Variants in DDX19B observed in about 807,000 individuals in gnomAD.
The protein encoded by DDX19B is ATP-dependent RNA helicase DDX19B.
DDX19B carries 27 observed loss-of-function variants against 58.1 expected under a neutral mutation model. That is an observed-to-expected ratio of 0.46 (90% CI 0.34 to 0.64). The LOEUF is 0.64. DDX19B is among the 30% of genes least tolerant of loss of function. The probability of loss-of-function intolerance (pLI) is 0.01; values close to 1 mark genes in which losing one functional copy is unlikely to be tolerated. For missense variants in DDX19B, 399 were observed against 596.5 expected (o/e 0.67, Z 3.45); for synonymous variants, 187 against 214.4 (o/e 0.87, Z 1.12).
At position 70,299,288 on chromosome 16, in the gene DDX19B, G is replaced by C. The variant is rs751053631; in HGVS notation, c.-10G>C. ...CCACCAGCACGAGCGTCCCACCCGC[G>C]CCTGGGACCATGGCCACTGACTCAT... On this transcript the variant is annotated 5_prime_UTR_variant, in exon 1 of 12. Transcript: ENST00000288071. 6.3e-7 allele frequency: 1 copy of C among 1,582,726 alleles called. No individual in the cohort carries two copies. The highest frequency in any genetic ancestry group is 8.6e-7 in the Non-Finnish European group (1 of 1,167,482).
chr16:70,300,428 G>A (rs919435593), intron 1 of DDX19B, among the ~76,000 whole-genome samples: 12 of 152,010 alleles, frequency 7.9e-5, no homozygotes, highest in Admixed American at 3.3e-4. Flanking sequence ...GGCTGGTCTC[G>A]AACTCCAGCG....
At chr16:70,328,660 G>A (rs1345099060) in intron 7 of DDX19B, among the ~76,000 whole-genome samples, 1 of 151,762 alleles carries the variant, frequency 6.6e-6, no homozygotes, top group East Asian at 1.9e-4. Context: ...ACCGTGCCCG[G>A]CCCTTTTAGT....
At position 70,312,666 on chromosome 16, in the gene DDX19B, C is replaced by T. The variant is rs754720329; in HGVS notation, c.106+9C>T. 1.9e-6 allele frequency: 3 copies of T among 1,605,000 alleles called. No homozygotes were observed. The highest frequency in any genetic ancestry group is 1.7e-4 in the Middle Eastern group (1 of 6,044). ...CAAACCAGATACCAATGGTAAGTAA[C>T]TAATAGCTAGTTTGAAAACAAATGT... On this transcript the variant is annotated intron_variant, in intron 2 of 11. Transcript: ENST00000288071.
In DDX19B at chr16:70,299,334, C is replaced by A; in HGVS notation, c.37C>A (p.Gln13Lys). 2.5e-6 allele frequency: 4 copies of A among 1,608,812 alleles called. No individual in the cohort carries two copies. Among genetic ancestry groups the A allele is most frequent in the Non-Finnish European group, 3.4e-6 (4 of 1,177,988 alleles). ...TDSWALAVDEQEAAAESLSNL... is the reference protein window; with the variant it reads ...TDSWALAVDEKEAAAESLSNL... ...CTCATGGGCCCTGGCGGTGGACGAGCAGGAAGCTGCGGCTGAGTCGGTGAG... is the reference window on the plus strand; with the variant it reads ...CTCATGGGCCCTGGCGGTGGACGAGAAGGAAGCTGCGGCTGAGTCGGTGAG... The change falls in exon 1 of 12, where the codon CAG (glutamine) becomes AAG (lysine). Residue 13 changes from glutamine (Q) to lysine (K), a missense_variant. By Grantham distance (53) the Gln-to-Lys change is moderately conservative. Around this residue, in one of 4 missense-constraint regions of DDX19B, gnomAD observed 132 missense variants for 159.4 expected, o/e 0.83. Coordinates refer to ENST00000288071, the MANE Select transcript of DDX19B (RefSeq NM_007242.7).
chr16:70,293,597 A>ATTTTTTTTTTTTTTTTTTTTTTTTTT (rs71151182), upstream of DDX19B, among the ~76,000 whole-genome samples: 43 of 77,020 alleles, frequency 5.6e-4, 7 homozygotes, highest in African/African-American at 1.3e-3. Context: ...GGATGGCTGA[A>ATTTTTTTTTTTTTTTTTTTTTTTTTT]TTTTTTTTTT....
chr16:70,301,848 G>C (rs1047689965), intron 1 of DDX19B, among the ~76,000 whole-genome samples: 1 of 151,768 alleles, frequency 6.6e-6, no homozygotes, highest in Non-Finnish European at 1.5e-5. Flanking sequence ...TGGGACTACA[G>C]GTGCGCACCA....
At chr16:70,307,095 A>G (rs749623136) in intron 1 of DDX19B, among the ~76,000 whole-genome samples, 1 of 152,204 alleles carries the variant, frequency 6.6e-6, no homozygotes. Context: ...GTGTGGATAT[A>G]CCACATTTTA....
intron 1 of DDX19B, among the ~76,000 whole-genome samples, chr16:70,301,402 G>T (rs529975056): frequency 2.9e-4 from 44 of 152,166 alleles, no homozygotes; most frequent in African/African-American, 9.9e-4. Flanking sequence ...ATTTGTTGTT[G>T]AAATGTTTGA....
At chr16:70,325,776 C>A in intron 7 of DDX19B, 88 bp downstream of exon 7, 2 of 956,676 alleles carry the variant, frequency 2.1e-6, no homozygotes, top group Non-Finnish European at 3.4e-6. Flanking sequence ...TGAAATAATA[C>A]AATAAACACA....
chr16:70,296,647 G>A (rs77186135), upstream of DDX19B, among the ~76,000 whole-genome samples: 4,700 of 152,166 alleles, frequency 0.031, 114 homozygotes, highest in South Asian at 0.089. Context: ...AATATCCCCA[G>A]GGTTGCTTCT....
intron 3 of DDX19B, chr16:70,315,756 G>C: frequency 3.6e-6 from 2 of 562,598 alleles, no homozygotes; most frequent in East Asian, 3.1e-5. Context: ...TTAGAATAGA[G>C]TCTGGAAAAG....
chr16:70,299,930 A>T (rs550352231), intron 1 of DDX19B, among the ~76,000 whole-genome samples: 1 of 151,984 alleles, frequency 6.6e-6, no homozygotes, highest in Non-Finnish European at 1.5e-5. Flanking sequence ...CATCGGCTTC[A>T]CTTTGTTCTT....
intron 1 of DDX19B, among the ~76,000 whole-genome samples, chr16:70,312,061 C>T (rs191275712): frequency 1.2e-4 from 18 of 152,164 alleles, no homozygotes; most frequent in Non-Finnish European, 2.2e-4. Context: ...AGGATGGTCT[C>T]GATCTCTTGA....
chr16:70,304,502 AGCTGGGATTACAGGC>A (rs143891852), intron 1 of DDX19B, among the ~76,000 whole-genome samples: 5,414 of 151,216 alleles, frequency 0.036, 338 homozygotes, highest in African/African-American at 0.12. Flanking sequence ...TCCCCCGAGT[AGCTGGGATTACAGGC>A]GCCTGCCACC....
At chr16:70,294,354 T>G (rs1374561670), upstream of DDX19B, among the ~76,000 whole-genome samples, 1 of 152,186 alleles carries the variant, frequency 6.6e-6, no homozygotes, top group African/African-American at 2.4e-5. Context: ...GTGCTGGGAT[T>G]ACAGGCGTGA....
chr16:70,298,566 G>T (rs1961318501), upstream of DDX19B, among the ~76,000 whole-genome samples: 1 of 151,830 alleles, frequency 6.6e-6, no homozygotes, highest in Non-Finnish European at 1.5e-5. Context: ...ATGGCTCACT[G>T]CAGCCTAGAC....
rs779773061 is a variant in DDX19B at position 70,299,392 on chromosome 16, G to C, written c.57+38G>C. The C allele has an allele frequency of 8.3e-6, 13 of 1,563,760 alleles. No individual in the cohort carries two copies. In the African/African-American group the frequency reaches 1.4e-4, roughly 16 times the overall value. The stretch of plus-strand genomic sequence containing the variant: ...CAGCCCTAAAAGGGTCAGGGGACTA[G>C]TTCTGGTCGGAGACTTGGTCCCTGG... On this transcript the variant is annotated intron_variant, in intron 1 of 11. Transcript: ENST00000288071.
chr16:70,315,173 G>T (rs895730274), intron 3 of DDX19B, among the ~76,000 whole-genome samples: 1 of 149,574 alleles, frequency 6.7e-6, no homozygotes, highest in Non-Finnish European at 1.5e-5. Context: ...TCAGGAGATC[G>T]AGACCATCCT....
chr16:70,312,009 T>G (rs1962119914), intron 1 of DDX19B, among the ~76,000 whole-genome samples: 1 of 151,984 alleles, frequency 6.6e-6, no homozygotes, highest in Non-Finnish European at 1.5e-5. Flanking sequence ...GCCCAGCTAA[T>G]TTTTGTATTT....
Sources: allele counts gnomAD v4.1 joint callset (sites outside exome capture counted in the v4.1 genomes callset), GRCh38; gene constraint gnomAD v4.1.1; regional missense constraint gnomAD v4.1.1; transcripts MANE v1.5; gene names NCBI Gene and HGNC (gene_info 2026-07-23, HGNC 2026-07-21).